The following NTAN1 variants were observed in gnomAD, a reference collection of about 807,000 sequenced individuals.
The protein encoded by NTAN1 is N-terminal asparagine amidase.
In NTAN1, 32 loss-of-function variants were observed where a neutral mutation model predicts 41.9. The observed-to-expected ratio is 0.76, with a 90% confidence interval of 0.58 to 1.03. NTAN1 has a LOEUF of 1.03. Ranked by LOEUF, NTAN1 falls within the 50% of genes least tolerant of loss-of-function variation. NTAN1 has a pLI of 0.00. For synonymous variants in NTAN1, 140 were observed against 139.5 expected (o/e 1.00, Z -0.03); for missense variants, 377 against 377.5 (o/e 1.00, Z 0.01).
chr16:15,038,127 T>C lies in NTAN1; in HGVS notation c.837A>G (p.Pro279=), dbSNP rs534767244. Residue 279 remains proline, a synonymous_variant, in exon 10 of 10, where the codon CCA becomes CCG. Transcript: ENST00000287706. ...RSTLMFLKKH[P]SPAHTLFSGN... ...CAGAAAACAGTGTGTGAGCTGGAGATGGGTGTTTTTTTAAAAACATCAAGG... is the reference window on the plus strand; with the variant it reads ...CAGAAAACAGTGTGTGAGCTGGAGACGGGTGTTTTTTTAAAAACATCAAGG... 120 of 1,612,520 alleles carry C rather than the reference T, an allele frequency of 7.4e-5. 2 individuals carry two copies. In the South Asian group the frequency reaches 1.2e-3, roughly 15 times the overall value.
chr16:15,041,506 C>T, intron 6 of NTAN1, 117 bp downstream of exon 6: 1 of 788,470 alleles, frequency 1.3e-6, no homozygotes, highest in Non-Finnish European at 2.3e-6. Context: ...AGAGCCGGAA[C>T]AGATGGTGGC....
At chr16:15,048,159 A>C (rs987953114) in intron 1 of NTAN1, 60 bp from the exon 2 acceptor site, 2 of 1,231,156 alleles carry the variant, frequency 1.6e-6, no homozygotes, top group Non-Finnish European at 2.3e-6. Flanking sequence ...GAAAAACTAA[A>C]GATGTGGAGA....
chr16:15,046,254 A>ACT (rs1427020440), intron 4 of NTAN1, among the ~76,000 whole-genome samples: 1 of 152,130 alleles, frequency 6.6e-6, no homozygotes, highest in South Asian at 2.1e-4. Context: ...CTCCCAGAGA[A>ACT]CTCTCTCTTT....
At position 15,047,956 on chromosome 16, in the gene NTAN1, G is replaced by A. The variant is rs369372963; in HGVS notation, c.185-36C>T. On this transcript the variant is annotated intron_variant, in intron 2 of 9. Coordinates refer to ENST00000287706, the MANE Select transcript of NTAN1 (RefSeq NM_173474.4). Reference sequence around the variant, plus strand: ...AAGAAATAAAATAAAATATCCAATAGCCTTTTGGGATAACGCCCAATTCAC... The same window carrying A: ...AAGAAATAAAATAAAATATCCAATAACCTTTTGGGATAACGCCCAATTCAC... 9.0e-5 allele frequency: 144 copies of A among 1,603,716 alleles called. No individual in the cohort carries two copies. The African/African-American group carries it at 1.7e-3, about 19-fold the overall frequency.
intron 1 of NTAN1, among the ~76,000 whole-genome samples, chr16:15,055,474 C>T (rs1329997952): frequency 6.6e-6 from 1 of 152,222 alleles, no homozygotes; most frequent in Non-Finnish European, 1.5e-5. Context: ...TAACCTCCTG[C>T]TTCACGGGGA....
chr16:15,051,155 C>T (rs1400658023), intron 1 of NTAN1, among the ~76,000 whole-genome samples: 6 of 152,312 alleles, frequency 3.9e-5, no homozygotes, highest in Middle Eastern at 3.4e-3. Context: ...GGCGCAAAGG[C>T]GAATTTTTAA....
chr16:15,049,598 G>A (rs556912846), intron 1 of NTAN1, among the ~76,000 whole-genome samples: 43 of 151,822 alleles, frequency 2.8e-4, no homozygotes, highest in Middle Eastern at 3.5e-3. Flanking sequence ...CCAGCTTTTC[G>A]TATTTTTAGT....
At chr16:15,041,800 C>T (rs531448082) in intron 5 of NTAN1, 124 bp from the exon 6 acceptor site, 29 of 733,312 alleles carry the variant, frequency 4.0e-5, no homozygotes, top group African/African-American at 3.3e-4. Flanking sequence ...CTACAGCCCG[C>T]GCCCACACTG....
chr16:15,038,107 A>G lies in NTAN1; in HGVS notation c.857T>C (p.Phe286Ser). Residue 286 changes from phenylalanine (F) to serine (S), a missense_variant, in exon 10 of 10, where the codon TTT becomes TCT. Phe to Ser is a radical substitution (Grantham distance 155). Coordinates refer to ENST00000287706, the MANE Select transcript of NTAN1 (RefSeq NM_173474.4). ...KKHPSPAHTLFSGNKALLYKK... is the reference protein window; with the variant it reads ...KKHPSPAHTLSSGNKALLYKK... Reference sequence around the variant, plus strand: ...GTAGAGTAGGGCTTTATTTCCAGAAAACAGTGTGTGAGCTGGAGATGGGTG... The same window carrying G: ...GTAGAGTAGGGCTTTATTTCCAGAAGACAGTGTGTGAGCTGGAGATGGGTG... 2 of 1,612,130 alleles carry G rather than the reference A, an allele frequency of 1.2e-6. No homozygotes were observed. Among genetic ancestry groups the G allele is most frequent in the South Asian group, 2.2e-5 (2 of 91,022 alleles).
intron 5 of NTAN1, 73 bp downstream of exon 5, chr16:15,044,261 G>A: frequency 9.5e-7 from 1 of 1,051,632 alleles, no homozygotes; most frequent in Non-Finnish European, 1.5e-6. Flanking sequence ...TACCAATTGG[G>A]ATTTTTAACC....
In NTAN1 at chr16:15,055,919, TC is replaced by T. The variant is rs1205442649; in HGVS notation, c.52del (p.Asp18ThrfsTer39). ...RRVRLPQSAG[D>X]LVRAHPPLEE... is the part of the protein sequence containing the mutation. The stretch of plus-strand genomic sequence containing the variant: ...CAAAGGCGGGTGGGCTCGGACGAGG[TC>T]CCCGGCTGACTGCGGCAGCCGCACT... On this transcript the variant is annotated frameshift_variant, in exon 1 of 10. Transcript: ENST00000287706. LOFTEE classifies it high-confidence loss of function. 1 of 1,232,092 alleles carries T rather than the reference TC, an allele frequency of 8.1e-7. No homozygotes were observed. Among genetic ancestry groups the T allele is most frequent in the South Asian group, 3.9e-5 (1 of 25,444 alleles). 76.3% of individuals were successfully genotyped at this position (1,232,092 alleles called of 1,614,324 possible).
chr16:15,043,380 C>T (rs980606853), intron 5 of NTAN1, among the ~76,000 whole-genome samples: 4 of 152,178 alleles, frequency 2.6e-5, no homozygotes, highest in African/African-American at 9.7e-5. Context: ...CCTGTCTCCA[C>T]AAAAAATTTA....
chr16:15,053,682 G>A (rs1416239864), intron 1 of NTAN1, among the ~76,000 whole-genome samples: 1 of 151,986 alleles, frequency 6.6e-6, no homozygotes, highest in African/African-American at 2.4e-5. Flanking sequence ...AGGCCGAGAC[G>A]GGCAGATCAC....
intron 4 of NTAN1, 67 bp from the exon 5 acceptor site, chr16:15,044,474 G>T: frequency 9.8e-7 from 1 of 1,022,158 alleles, no homozygotes; most frequent in Non-Finnish European, 1.5e-6. Flanking sequence ...GTCTCACTTT[G>T]AACTTTCATT....
chr16:15,041,605 G>A lies in NTAN1; in HGVS notation c.487+18C>T, dbSNP rs1187176377. On this transcript the variant is annotated intron_variant, in intron 6 of 9. Transcript: ENST00000287706. ...CTGAGACCCACATCTTTGCTTTGGG[G>A]CAAATGGCAGGACTTACCTGTCACA... is the stretch of plus-strand genomic sequence containing the variant. 1 of 1,593,498 alleles carries A rather than the reference G, an allele frequency of 6.3e-7. No homozygotes were observed. Among genetic ancestry groups the A allele is most frequent in the Non-Finnish European group, 8.6e-7 (1 of 1,161,144 alleles).
At chr16:15,044,759 G>A (rs1222513094) in intron 4 of NTAN1, 5 of 242,996 alleles carry the variant, frequency 2.1e-5, no homozygotes, top group African/African-American at 9.0e-5. Context: ...TGAGGTGGGC[G>A]GATCACTTGA....
chr16:15,042,624 AC>A (rs1267174362), intron 5 of NTAN1, among the ~76,000 whole-genome samples: 1 of 152,178 alleles, frequency 6.6e-6, no homozygotes, highest in Non-Finnish European at 1.5e-5. Flanking sequence ...GTAATGTTCT[AC>A]CGCTCATCTT....
intron 8 of NTAN1, 145 bp from the exon 9 acceptor site, chr16:15,038,832 A>C: frequency 1.7e-6 from 1 of 584,522 alleles, no homozygotes; most frequent in Non-Finnish European, 3.0e-6. Context: ...AAAAGCTGCC[A>C]GCTACTGAAC....
chr16:15,038,472 C>G (rs2043647743), intron 9 of NTAN1, 102 bp downstream of exon 9: 1 of 709,108 alleles, frequency 1.4e-6, no homozygotes, highest in African/African-American at 1.8e-5. Context: ...TACTACCCGC[C>G]AAAGGGAAAG....
Sources: gnomAD v4.1 joint callset for allele counts (sites outside exome capture counted in the v4.1 genomes callset) on GRCh38, gnomAD v4.1.1 for gene constraint, MANE v1.5 for transcripts, NCBI Gene and HGNC (gene_info 2026-07-23, HGNC 2026-07-21) for gene names.